The following SLC1A1 variants were observed in gnomAD, a reference collection of about 807,000 sequenced individuals.
SLC1A1 encodes the protein excitatory amino acid transporter 3.
A neutral mutation model predicts 53.3 loss-of-function variants in SLC1A1; 43 were observed. The ratio of observed to expected loss-of-function variants is 0.81; its 90% CI spans 0.63 to 1.04. The LOEUF is 1.04. SLC1A1 is among the 50% of genes least tolerant of loss of function. The probability of loss-of-function intolerance (pLI) is 0.00; values close to 1 mark genes in which losing one functional copy is unlikely to be tolerated. For missense variants in SLC1A1, 748 were observed against 664.9 expected (o/e 1.12, Z -1.37); for synonymous variants, 307 against 243.2 (o/e 1.26, Z -2.44).
chr9:4,538,286 G>T (rs1031457473), intron 1 of SLC1A1, among the ~76,000 whole-genome samples: 4 of 152,186 alleles, frequency 2.6e-5, no homozygotes, highest in Admixed American at 6.5e-5. Context: ...TCCAGAAAAG[G>T]CGTGACAACT....
At chr9:4,539,295 C>T (rs1816811669) in intron 1 of SLC1A1, among the ~76,000 whole-genome samples, 1 of 152,170 alleles carries the variant, frequency 6.6e-6, no homozygotes, top group East Asian at 1.9e-4. Flanking sequence ...GAGAGATAGA[C>T]TGATGTAATG....
rs917236949 is a variant in SLC1A1 at position 4,530,170 on chromosome 9, G to A, written c.92-14397G>A. Among the ~76,000 whole-genome samples the A allele has an allele frequency of 7.2e-5, 11 of 152,020 alleles. No individual in the cohort carries two copies. The South Asian group carries it at 8.3e-4, about 11-fold the overall frequency. On this transcript the variant is annotated intron_variant, in intron 1 of 11. Transcript: ENST00000262352. The stretch of plus-strand genomic sequence containing the variant: ...GTGGAGGGGGAGAAAATATAAAACA[G>A]TGGAACATGCAAAAAGAGGGCCCAA...
chr9:4,576,037 A>T lies in SLC1A1; in HGVS notation c.912A>T (p.Ile304=). 1 of 1,613,926 alleles carries T rather than the reference A, an allele frequency of 6.2e-7. No individual in the cohort carries two copies. Residue 304 remains isoleucine (I), a synonymous_variant, in exon 9 of 12, where the codon ATA becomes ATT. Coordinates refer to ENST00000262352, the MANE Select transcript of SLC1A1 (RefSeq NM_004170.6). ...ACTCCATTGTAATTCTCCCGCTGAT[A>T]TATTTCATAGTCGTACGAAAGAACC... ...AIHSIVILPL[I]YFIVVRKNPF...
intron 7 of SLC1A1, among the ~76,000 whole-genome samples, chr9:4,572,640 T>C (rs60663667): frequency 0.066 from 10,070 of 152,250 alleles, 1,106 homozygotes; most frequent in African/African-American, 0.23. Flanking sequence ...CTCAACTTCC[T>C]GTGCTCAAGC....
intron 6 of SLC1A1, 61 bp from the exon 7 acceptor site, chr9:4,572,143 C>A: frequency 7.1e-7 from 1 of 1,405,428 alleles, no homozygotes; most frequent in Non-Finnish European, 1.0e-6. Flanking sequence ...ATTTCTGGAC[C>A]TGTGCTTTCT....
At chr9:4,584,851 T>C (rs1468369768) in intron 11 of SLC1A1, among the ~76,000 whole-genome samples, 1 of 152,182 alleles carries the variant, frequency 6.6e-6, no homozygotes, top group African/African-American at 2.4e-5. Flanking sequence ...AAGTACACCA[T>C]GGACCTGAAC....
At chr9:4,511,593 A>ACACACACACACC (rs1821002285) in intron 1 of SLC1A1, among the ~76,000 whole-genome samples, 1 of 150,824 alleles carries the variant, frequency 6.6e-6, no homozygotes, top group Non-Finnish European at 1.5e-5. Context: ...ACACACACAC[A>ACACACACACACC]CACACACTAC....
rs1327495358 is a variant in SLC1A1 at position 4,549,300 on chromosome 9, G to C, written c.232+4593G>C. Among the ~76,000 whole-genome samples, 1 of 152,060 alleles carries C rather than the reference G, an allele frequency of 6.6e-6. No individual in the cohort carries two copies. Among genetic ancestry groups the C allele is most frequent in the African/African-American group, 2.4e-5 (1 of 41,398 alleles). ...AGCTGCGCCTCCTGGTGTCTGCTGTGGCTGCCACTACCCCGGTGACCTAAG... is the reference window on the plus strand; with the variant it reads ...AGCTGCGCCTCCTGGTGTCTGCTGTCGCTGCCACTACCCCGGTGACCTAAG... On this transcript the variant is annotated intron_variant, in intron 2 of 11. Transcript: ENST00000262352. The surrounding 1 kb of genome is among the most constrained non-coding windows in gnomAD (Gnocchi z 4.1).
intron 1 of SLC1A1, among the ~76,000 whole-genome samples, chr9:4,509,232 G>C (rs1820909800): frequency 6.6e-6 from 1 of 152,200 alleles, no homozygotes. Context: ...AGTTTGCTGT[G>C]ACTGGATCTG....
intron 1 of SLC1A1, among the ~76,000 whole-genome samples, chr9:4,534,354 T>C (rs1816593790): frequency 6.6e-6 from 1 of 151,910 alleles, no homozygotes; most frequent in Admixed American, 6.6e-5. Flanking sequence ...ATCAAACAGA[T>C]GCAATTAAAA....
At chr9:4,577,561 C>T (rs1049504802) in intron 10 of SLC1A1, among the ~76,000 whole-genome samples, 9 of 152,246 alleles carry the variant, frequency 5.9e-5, no homozygotes, top group South Asian at 2.1e-4. Flanking sequence ...CCACAACCTC[C>T]GCCTCCAGGG....
At chr9:4,505,912 C>T (rs774094722) in intron 1 of SLC1A1, among the ~76,000 whole-genome samples, 1 of 152,230 alleles carries the variant, frequency 6.6e-6, no homozygotes, top group Non-Finnish European at 1.5e-5. Flanking sequence ...CAACCTCCGC[C>T]TTCCGAGTTC....
intron 1 of SLC1A1, among the ~76,000 whole-genome samples, chr9:4,542,572 A>T (rs181931178): frequency 3.3e-5 from 5 of 152,276 alleles, no homozygotes; most frequent in Admixed American, 6.5e-5. Context: ...TATTTTTTAC[A>T]TACTGAGCTT....
At chr9:4,531,075 G>T (rs1816449002) in intron 1 of SLC1A1, among the ~76,000 whole-genome samples, 1 of 152,190 alleles carries the variant, frequency 6.6e-6, no homozygotes, top group South Asian at 2.1e-4. Context: ...AAGATTTGGG[G>T]TGGAGCCAAG....
intron 1 of SLC1A1, among the ~76,000 whole-genome samples, chr9:4,543,559 AG>A (rs952955263): frequency 2.0e-5 from 3 of 152,250 alleles, no homozygotes; most frequent in African/African-American, 7.2e-5. Context: ...AAAAGCTTTC[AG>A]AGAATGGTAA....
intron 2 of SLC1A1, among the ~76,000 whole-genome samples, chr9:4,547,532 G>C (rs1053113233): frequency 6.6e-6 from 1 of 152,164 alleles, no homozygotes; most frequent in African/African-American, 2.4e-5. Context: ...ACTAGTGTTG[G>C]CACAGTTATA....
intron 1 of SLC1A1, among the ~76,000 whole-genome samples, chr9:4,532,328 G>A (rs563292927): frequency 2.6e-5 from 4 of 151,986 alleles, no homozygotes; most frequent in Admixed American, 6.5e-5. Context: ...AAAATTAGAC[G>A]AATGGCTAAC....
At chr9:4,521,610 A>T (rs926242514) in intron 1 of SLC1A1, among the ~76,000 whole-genome samples, 60 of 152,118 alleles carry the variant, frequency 3.9e-4, no homozygotes, top group African/African-American at 1.4e-3. Context: ...TTTGCAGCAC[A>T]TTTTTTCTTG....
chr9:4,570,007 A>T (rs1819873535), intron 6 of SLC1A1, among the ~76,000 whole-genome samples: 1 of 152,164 alleles, frequency 6.6e-6, no homozygotes, highest in South Asian at 2.1e-4. Context: ...GGCCATAATG[A>T]ATGAGCAAGA....
Sources: allele counts gnomAD v4.1 joint callset (sites outside exome capture counted in the v4.1 genomes callset), GRCh38; gene constraint gnomAD v4.1.1; non-coding constraint Gnocchi (gnomAD v3.1); transcripts MANE v1.5; gene names NCBI Gene and HGNC (gene_info 2026-07-23, HGNC 2026-07-21).